The following E2F7 variants were observed in gnomAD, a reference collection of about 807,000 sequenced individuals.
The protein encoded by E2F7 is E2F transcription factor 7, also known as transcription factor E2F7.
A neutral mutation model predicts 81.1 loss-of-function variants in E2F7; 35 were observed. That is an observed-to-expected ratio of 0.43 (90% CI 0.33 to 0.57). The LOEUF (loss-of-function observed/expected upper bound fraction) is 0.57, where lower values mean the gene tolerates loss of function less well. Among genes scored for constraint, E2F7 ranks in the 20% least tolerant of loss-of-function variants. The pLI, the probability that E2F7 is intolerant of heterozygous loss-of-function variation, is 0.04. For missense variants in E2F7, 961 were observed against 1,093.7 expected, an observed-to-expected ratio of 0.88 and a Z score of 1.71; for synonymous variants, 416 against 416.2, an observed-to-expected ratio of 1.00 and a Z score of 0.01.
At chr12:77,026,079 C>T in intron 11 of E2F7, 97 bp from the exon 12 acceptor site, 1 of 1,349,546 alleles carries the variant, frequency 7.4e-7, no homozygotes, top group East Asian at 2.5e-5. Flanking sequence ...CGGGAGTCCA[C>T]AATAAATCAA....
At chr12:77,034,832 TA>T (rs1185812088) in intron 7 of E2F7, among the ~76,000 whole-genome samples, 2 of 152,234 alleles carry the variant, frequency 1.3e-5, no homozygotes, top group African/African-American at 4.8e-5. Flanking sequence ...TTATATTTTC[TA>T]AAACATGCGC....
intron 1 of E2F7, 127 bp from the exon 2 acceptor site, chr12:77,064,762 CATTT>C: frequency 4.0e-6 from 3 of 753,330 alleles, no homozygotes; most frequent in Non-Finnish European, 4.3e-6. Context: ...ACATCCTGGG[CATTT>C]CCAGGAGTTG....
chr12:77,049,979 A>G lies in E2F7; in HGVS notation c.538+597T>C, dbSNP rs529606315. Among the ~76,000 whole-genome samples the G allele has an allele frequency of 7.2e-5, 11 of 152,192 alleles. No homozygotes were observed. In the South Asian group the frequency reaches 2.3e-3, roughly 32 times the overall value. ...CCACTAGGGGTCTCTATTCTGAAGCAGGTGTATACATATTTCCAGCACACA... is the reference window on the plus strand; with the variant it reads ...CCACTAGGGGTCTCTATTCTGAAGCGGGTGTATACATATTTCCAGCACACA... On this transcript the variant is annotated intron_variant, in intron 4 of 12. Coordinates refer to ENST00000322886, the MANE Select transcript of E2F7 (RefSeq NM_203394.3).
chr12:77,035,366 C>T (rs1954840115), intron 7 of E2F7, among the ~76,000 whole-genome samples: 1 of 152,094 alleles, frequency 6.6e-6, no homozygotes, highest in African/African-American at 2.4e-5. Context: ...TACCCAAGGC[C>T]AGGGAAAGGA....
At chr12:77,053,859 A>T (rs1448915252) in intron 3 of E2F7, among the ~76,000 whole-genome samples, 1 of 152,184 alleles carries the variant, frequency 6.6e-6, no homozygotes, top group Non-Finnish European at 1.5e-5. Context: ...TCTGTTGGGG[A>T]GAGAAATGTA....
rs370128394 is a variant in E2F7, at chr12:77,024,075, C to A, written c.2676G>T (p.Gln892His). ...DPVLKRRERN[Q>H]SRNTSSAQRR... ...TCTGGGCCGAGCTGGTGTTTCGTGA[C>A]TGGTTCCTTTCTCTTCTCTTCAGGA... Residue 892 changes from glutamine (Q) to histidine (H), a missense_variant, in exon 13 of 13, where the codon CAG becomes CAT. Physicochemically the swap from Gln to His is conservative, Grantham distance 24. Transcript: ENST00000322886. 7.1e-5 allele frequency: 115 copies of A among 1,613,932 alleles called. No individual in the cohort carries two copies. The highest frequency in any genetic ancestry group is 6.6e-4 in the Middle Eastern group (4 of 6,074).
At chr12:77,059,261 T>A (rs1206538474) in intron 2 of E2F7, among the ~76,000 whole-genome samples, 1 of 152,278 alleles carries the variant, frequency 6.6e-6, no homozygotes, top group Non-Finnish European at 1.5e-5. Flanking sequence ...TTTTCTAAGG[T>A]GTCAGGTGGA....
At position 77,033,895 on chromosome 12, in the gene E2F7, A is replaced by C. The variant is rs1345441899; in HGVS notation, c.1271T>G (p.Val424Gly). The change falls in exon 8 of 13, where the codon GTG becomes GGG. Residue 424 changes from valine (V) to glycine (G), a missense_variant. Val to Gly is a moderately radical substitution (Grantham distance 109, BLOSUM62 -3). Transcript: ENST00000322886. ...GTACGGGCTGCTCGGTTCTGAGTTCACTTTCCTCTGGATCCTCTCAGAAGC... is the reference window on the plus strand; with the variant it reads ...GTACGGGCTGCTCGGTTCTGAGTTCCCTTTCCTCTGGATCCTCTCAGAAGC... ...VQASERIQRK[V>G]NSEPSSPYRE... The C allele has an allele frequency of 5.6e-6, 9 of 1,613,552 alleles. No individual in the cohort carries two copies. The highest frequency in any genetic ancestry group is 7.6e-6 in the Non-Finnish European group (9 of 1,179,840).
rs1954791888 is a variant in E2F7 at position 77,030,007 on chromosome 12, C to T, written c.1708G>A (p.Gly570Arg). 4 of 1,614,110 alleles carry T rather than the reference C, an allele frequency of 2.5e-6. No individual in the cohort carries two copies. Among genetic ancestry groups the T allele is most frequent in the Non-Finnish European group, 3.4e-6 (4 of 1,180,048 alleles). Residue 570 changes from glycine to arginine, a missense_variant, in exon 10 of 13, where the codon GGG (glycine) becomes AGG (arginine). Physicochemically the swap from Gly to Arg is moderately radical, Grantham distance 125. Around this residue, in one of 3 missense-constraint regions of E2F7, gnomAD observed 587 missense variants for 620.3 expected, o/e 0.95. Transcript: ENST00000322886. ...SLQEGPASGS[G>R]SERDDRSSEA... The stretch of plus-strand genomic sequence containing the variant: ...GAGCTTCTGTCATCCCTCTCTGACC[C>T]TGACCCTGACGCTGGTCCCTCCTGC...
Position 77,043,116 on chromosome 12 carries a change from C to T in E2F7, c.1072G>A (p.Gly358Ser). ...IKKVHVTEER[G>S]RKPAFKWIGP... is the part of the protein sequence containing the mutation. ...ATCCACTTGAAGGCTGGTTTACGAC[C>T]TCGCTCTTCTGTTACATGCACTTTC... Residue 358 changes from glycine to serine, a missense_variant, in exon 7 of 13, where the codon GGT (glycine) becomes AGT (serine). Physicochemically the swap from Gly to Ser is moderately conservative, Grantham distance 56. Around this residue, in one of 3 missense-constraint regions of E2F7, gnomAD observed 301 missense variants for 405.0 expected, o/e 0.74. Transcript: ENST00000322886. 6.2e-7 allele frequency: 1 copy of T among 1,614,150 alleles called. No individual in the cohort carries two copies. The highest frequency in any genetic ancestry group is 8.5e-7 in the Non-Finnish European group (1 of 1,180,016).
intron 4 of E2F7, among the ~76,000 whole-genome samples, chr12:77,048,835 C>T (rs1225430369): frequency 6.6e-6 from 1 of 152,136 alleles, no homozygotes; most frequent in Non-Finnish European, 1.5e-5. Context: ...TTCTGTCCTC[C>T]CTGGGATGTA....
In E2F7 at chr12:77,023,137, G is replaced by A. The variant is rs1954727955; in HGVS notation, c.*878C>T. 3 of 152,226 alleles carry A rather than the reference G, an allele frequency of 2.0e-5. No homozygotes were observed. The highest frequency in any genetic ancestry group is 7.2e-5 in the African/African-American group (3 of 41,438). The allele number at this position is 152,226 out of a possible 1,614,324, so 9.4% of individuals were successfully genotyped here. On this transcript the variant is annotated 3_prime_UTR_variant, in exon 13 of 13. Transcript: ENST00000322886. ...TTAGAAGGCATCCATATCTGATGGC[G>A]CTACAGCTAAATATTTAAATAAAAA...
At chr12:77,048,206 G>A (rs1429295153) in intron 4 of E2F7, among the ~76,000 whole-genome samples, 1 of 152,144 alleles carries the variant, frequency 6.6e-6, no homozygotes, top group Admixed American at 6.5e-5. Flanking sequence ...CCACTGGCTG[G>A]TGCACTAAAA....
At chr12:77,047,362 T>G (rs374848675) in intron 4 of E2F7, among the ~76,000 whole-genome samples, 1 of 152,220 alleles carries the variant, frequency 6.6e-6, no homozygotes, top group Non-Finnish European at 1.5e-5. Flanking sequence ...GTGTTAATTT[T>G]AAATACATAC....
chr12:77,031,290 A>T (rs1001863289), intron 9 of E2F7, among the ~76,000 whole-genome samples: 3 of 152,188 alleles, frequency 2.0e-5, no homozygotes, highest in Non-Finnish European at 4.4e-5. Context: ...AATATTTAAA[A>T]CCATGTTTAT....
At chr12:77,054,529 G>C (rs531918621) in intron 3 of E2F7, among the ~76,000 whole-genome samples, 1 of 152,204 alleles carries the variant, frequency 6.6e-6, no homozygotes, top group South Asian at 2.1e-4. Flanking sequence ...GATTTTAAAA[G>C]AAAGTCTGTT....
chr12:77,031,939 C>T (rs1954811250), intron 9 of E2F7, among the ~76,000 whole-genome samples: 1 of 152,170 alleles, frequency 6.6e-6, no homozygotes, highest in Non-Finnish European at 1.5e-5. Flanking sequence ...CTCCACCCAG[C>T]CATCCACCTT....
At chr12:77,031,294 T>C (rs957978040) in intron 9 of E2F7, among the ~76,000 whole-genome samples, 1 of 152,178 alleles carries the variant, frequency 6.6e-6, no homozygotes, top group Non-Finnish European at 1.5e-5. Flanking sequence ...TTTAAAACCA[T>C]GTTTATGTTC....
chr12:77,034,275 T>A (rs912512978), intron 7 of E2F7, among the ~76,000 whole-genome samples: 1 of 152,182 alleles, frequency 6.6e-6, no homozygotes, highest in South Asian at 2.1e-4. Context: ...AATCCATATA[T>A]ATTCTAAAAT....
Sources: allele counts gnomAD v4.1 joint callset (sites outside exome capture counted in the v4.1 genomes callset), GRCh38; gene constraint gnomAD v4.1.1; regional missense constraint gnomAD v4.1.1; transcripts MANE v1.5; gene names NCBI Gene and HGNC (gene_info 2026-07-23, HGNC 2026-07-21).